Variants in KNTC1 observed in about 807,000 individuals in gnomAD.
The protein encoded by KNTC1 is kinetochore associated 1, also known as kinetochore-associated protein 1.
Under a neutral mutation model 314.4 loss-of-function variants are expected in KNTC1, and 253 were observed. The observed-to-expected ratio is 0.80, with a 90% CI of 0.73 to 0.89. The LOEUF is 0.89. Ranked by LOEUF, KNTC1 falls within the 40% of genes least tolerant of loss-of-function variation. The probability of loss-of-function intolerance (pLI) is 0.00; values close to 1 mark genes in which losing one functional copy is unlikely to be tolerated. For synonymous variants in KNTC1, 901 were observed against 901.4 expected (o/e 1.00, Z 0.01); for missense variants, 2,475 against 2,572.9 (o/e 0.96, Z 0.82).
Position 122,542,127 on chromosome 12 carries a change from G to T in KNTC1, c.523G>T (p.Ala175Ser). Residue 175 changes from alanine to serine, a missense_variant and splice_region_variant, in exon 6 of 64, where the codon GCA (alanine) becomes TCA (serine). Ala to Ser is a moderately conservative substitution (Grantham distance 99). Coordinates refer to ENST00000333479, the MANE Select transcript of KNTC1 (RefSeq NM_014708.6). ...TNLQLLKIQQ[A>S]IENVDFSTAK... ...CCTTCAGCTTTTAAAAATTCAACAA[G>T]GTAAGTAATACATTATATTTTTATT... is the stretch of plus-strand genomic sequence containing the variant. The T allele has an allele frequency of 6.8e-7, 1 of 1,462,004 alleles. No homozygotes were observed. Among genetic ancestry groups the T allele is most frequent in the Non-Finnish European group, 9.4e-7 (1 of 1,068,248 alleles). 90.6% of individuals were successfully genotyped at this position (1,462,004 alleles called of 1,614,324 possible).
intron 16 of KNTC1, among the ~76,000 whole-genome samples, chr12:122,555,250 GATAA>G (rs1963501995): frequency 1.3e-5 from 2 of 152,182 alleles, no homozygotes; most frequent in South Asian, 4.1e-4. Context: ...TTCTTCGGTT[GATAA>G]ATAATCATAT....
intron 18 of KNTC1, 30 bp downstream of exon 18, chr12:122,557,719 T>C: frequency 1.3e-6 from 2 of 1,522,592 alleles, no homozygotes; most frequent in Non-Finnish European, 1.8e-6. Context: ...TTTTGTTTTT[T>C]TGGGGCAGGG....
Position 122,614,982 on chromosome 12 carries a change from TGGC to T in KNTC1, c.5878-8_5878-6del. 1 of 1,606,824 alleles carries T rather than the reference TGGC, an allele frequency of 6.2e-7. No individual in the cohort carries two copies. Among genetic ancestry groups the T allele is most frequent in the Non-Finnish European group, 8.5e-7 (1 of 1,175,986 alleles). On this transcript the variant is annotated splice_polypyrimidine_tract_variant and splice_region_variant and intron_variant, in intron 55 of 63. Coordinates refer to ENST00000333479, the MANE Select transcript of KNTC1 (RefSeq NM_014708.6). ...GAATAGCATGATTTTTTTCTTTTTT[TGGC>T]TTCAGGCAGTAAGATTGGTGACTGA...
intron 57 of KNTC1, 21 bp downstream of exon 57, chr12:122,615,547 A>C (rs768535021): frequency 3.1e-5 from 47 of 1,499,456 alleles, no homozygotes; most frequent in Non-Finnish European, 4.1e-5. Flanking sequence ...TTTTAAAATA[A>C]ATTTTATTGA....
chr12:122,541,386 A>T (rs1593493002), intron 5 of KNTC1, among the ~76,000 whole-genome samples: 1 of 136,896 alleles, frequency 7.3e-6, no homozygotes, highest in African/African-American at 2.8e-5. Context: ...TCACTCTGTC[A>T]CCCAGGCTGG....
intron 3 of KNTC1, among the ~76,000 whole-genome samples, chr12:122,538,103 A>G (rs1295707370): frequency 6.6e-6 from 1 of 152,262 alleles, no homozygotes; most frequent in Admixed American, 6.5e-5. Context: ...GTACCACTGC[A>G]CTCCAGCCTG....
At chr12:122,546,349 T>C (rs950710353) in intron 9 of KNTC1, 80 bp downstream of exon 9, 1 of 843,656 alleles carries the variant, frequency 1.2e-6, no homozygotes, top group Non-Finnish European at 1.9e-6. Flanking sequence ...GACTGACATA[T>C]GGGTCATTTT....
At chr12:122,615,963 C>T (rs1873720895) in intron 57 of KNTC1, among the ~76,000 whole-genome samples, 1 of 152,128 alleles carries the variant, frequency 6.6e-6, no homozygotes, top group South Asian at 2.1e-4. Context: ...TGGCTCCACT[C>T]TGACTTTTGT....
chr12:122,551,524 G>A lies in KNTC1; in HGVS notation c.1196+1G>A, dbSNP rs867677251. The A allele has an allele frequency of 1.2e-6, 2 of 1,606,938 alleles. No individual in the cohort carries two copies. Among genetic ancestry groups the A allele is most frequent in the South Asian group, 2.2e-5 (2 of 90,492 alleles). ...TTACGGAAGCTTTACCAGAAAACAG[G>A]TAACTTCTCATTTTTTTTTAAGCTT... On this transcript the variant is annotated splice_donor_variant, in intron 15 of 63. Coordinates refer to ENST00000333479, the MANE Select transcript of KNTC1 (RefSeq NM_014708.6). LOFTEE classifies it high-confidence loss of function.
rs1393146186 is a variant in KNTC1, at chr12:122,602,550, G to GT, written c.4654-13dup. 7 of 1,549,500 alleles carry GT rather than the reference G, an allele frequency of 4.5e-6. No individual in the cohort carries two copies. The highest frequency in any genetic ancestry group is 1.4e-5 in the African/African-American group (1 of 72,902). On this transcript the variant is annotated intron_variant, in intron 45 of 63. Coordinates refer to ENST00000333479, the MANE Select transcript of KNTC1 (RefSeq NM_014708.6). ...ATTGGGTTACTCTTACTGGACAAAA[G>GT]TTTTTTATTTTAATATAGGCATTGA...
chr12:122,564,933 G>A (rs973756728), intron 20 of KNTC1, among the ~76,000 whole-genome samples: 15 of 152,146 alleles, frequency 9.9e-5, no homozygotes, highest in African/African-American at 3.6e-4. Flanking sequence ...CCACATGGAA[G>A]TATATCTGTG....
intron 21 of KNTC1, 30 bp from the exon 22 acceptor site, chr12:122,569,651 G>C: frequency 6.3e-7 from 1 of 1,589,620 alleles, no homozygotes. Context: ...AAATTTGTCA[G>C]ATCTTAATTT....
chr12:122,592,595 C>A (rs1464380726), intron 42 of KNTC1, among the ~76,000 whole-genome samples: 1 of 152,204 alleles, frequency 6.6e-6, no homozygotes, highest in Non-Finnish European at 1.5e-5. Context: ...CCAATCTACA[C>A]TCTGTATCTA....
chr12:122,563,086 T>C (rs1189854463), intron 20 of KNTC1, among the ~76,000 whole-genome samples: 2 of 152,144 alleles, frequency 1.3e-5, no homozygotes, highest in Non-Finnish European at 2.9e-5. Context: ...AGCAGTCCTC[T>C]TGCTGAATTT....
chr12:122,583,846 G>A (rs746945251), intron 34 of KNTC1, among the ~76,000 whole-genome samples: 14 of 151,856 alleles, frequency 9.2e-5, no homozygotes, highest in Admixed American at 3.9e-4. Flanking sequence ...AAACAGGCTG[G>A]GCACGGTGAC....
chr12:122,556,430 CTG>C (rs1963597355), intron 16 of KNTC1, among the ~76,000 whole-genome samples: 3 of 151,556 alleles, frequency 2.0e-5, no homozygotes. Context: ...TCTGACACCT[CTG>C]TATCCTCCCG....
intron 63 of KNTC1, 174 bp downstream of exon 63, chr12:122,624,862 C>T (rs1874849327): frequency 1.6e-6 from 1 of 609,674 alleles, no homozygotes; most frequent in Admixed American, 2.1e-5. Flanking sequence ...ATCAAGAGAC[C>T]ACAGTTCTAA....
At chr12:122,562,592 A>G (rs1565958489) in intron 19 of KNTC1, 46 bp from the exon 20 acceptor site, 2 of 1,100,398 alleles carry the variant, frequency 1.8e-6, no homozygotes, top group African/African-American at 1.6e-5. Context: ...TTTAATTTCA[A>G]TATTGTTGCA....
rs544029765 is a variant in KNTC1, at chr12:122,549,928, A to G, written c.1086+64A>G. ...TTTTTTCTTTATCTGGTATCTAATC[A>G]GGGATGATTAAAAGCCTTAATAATT... On this transcript the variant is annotated intron_variant, in intron 13 of 63. Transcript: ENST00000333479. The G allele has an allele frequency of 2.1e-4, 178 of 858,908 alleles. 1 individual carries two copies. In the African/African-American group the frequency reaches 2.8e-3, roughly 14 times the overall value. The allele number at this position is 858,908 out of a possible 1,614,324, so 53.2% of individuals were successfully genotyped here. A position where few individuals can be genotyped will look rare whatever the true frequency, so the allele number is the denominator to read the frequency against.
Sources: allele counts gnomAD v4.1 joint callset (sites outside exome capture counted in the v4.1 genomes callset), GRCh38; gene constraint gnomAD v4.1.1; transcripts MANE v1.5; gene names NCBI Gene and HGNC (gene_info 2026-07-23, HGNC 2026-07-21).